The following NFIB variants were observed in gnomAD, a reference collection of about 807,000 sequenced individuals.
NFIB encodes the protein nuclear factor I B.
In NFIB, 11 loss-of-function variants were observed where a neutral mutation model predicts 61.5. That is an observed-to-expected ratio of 0.18 (90% CI 0.11 to 0.30). The LOEUF is 0.30. NFIB is among the 10% of genes least tolerant of loss of function. The probability of loss-of-function intolerance (pLI) is 1.00; values close to 1 mark genes in which losing one functional copy is unlikely to be tolerated. For missense variants in NFIB, 471 were observed against 608.9 expected, an observed-to-expected ratio of 0.77 and a Z score of 2.38; for synonymous variants, 260 against 216.5, an observed-to-expected ratio of 1.20 and a Z score of -1.76.
the NFIB span, among the ~76,000 whole-genome samples, chr9:14,509,709 C>G: frequency 6.6e-6 from 1 of 152,122 alleles, no homozygotes; most frequent in African/African-American, 2.4e-5. Context: ...CATCCCACCC[C>G]TGAAGCACCA....
intron 2 of NFIB, among the ~76,000 whole-genome samples, chr9:14,210,920 C>CT (rs2050241465): frequency 6.6e-6 from 1 of 152,086 alleles, no homozygotes; most frequent in African/African-American, 2.4e-5. Context: ...TGGGAAGTTA[C>CT]TCACCTTTGA....
intron 10 of NFIB, among the ~76,000 whole-genome samples, chr9:14,098,516 A>T (rs568006237): frequency 6.6e-6 from 1 of 152,286 alleles, no homozygotes; most frequent in East Asian, 1.9e-4. Flanking sequence ...CTATCACTTT[A>T]AGAAAGCCAG....
At chr9:14,497,332 A>C in the NFIB span, among the ~76,000 whole-genome samples, 2 of 152,202 alleles carry the variant, frequency 1.3e-5, no homozygotes, top group Non-Finnish European at 2.9e-5. Context: ...GTGTAAATAA[A>C]AGTTATTACA....
chr9:14,525,191 G>A, the NFIB span, among the ~76,000 whole-genome samples: 9 of 152,164 alleles, frequency 5.9e-5, no homozygotes, highest in African/African-American at 2.2e-4. Flanking sequence ...GGAGAGCTGA[G>A]CCCCAGAAAG....
At chr9:14,397,909 T>C (rs1588422783) in intron 1 of NFIB, among the ~76,000 whole-genome samples, 1 of 152,168 alleles carries the variant, frequency 6.6e-6, no homozygotes, top group East Asian at 1.9e-4. Context: ...GGCACCATAC[T>C]GTCATTCTGG....
At chr9:14,202,697 T>C (rs553908855) in intron 2 of NFIB, among the ~76,000 whole-genome samples, 1 of 152,198 alleles carries the variant, frequency 6.6e-6, no homozygotes, top group Non-Finnish European at 1.5e-5. Flanking sequence ...TGTGTAGTAT[T>C]TTATATGGTT....
At chr9:14,434,442 C>T in the NFIB span, among the ~76,000 whole-genome samples, 1 of 152,158 alleles carries the variant, frequency 6.6e-6, no homozygotes, top group East Asian at 1.9e-4. Flanking sequence ...TTTCCATTTG[C>T]TTAGGCAGCA....
chr9:14,417,071 T>A, the NFIB span, among the ~76,000 whole-genome samples: 7 of 151,090 alleles, frequency 4.6e-5, no homozygotes, highest in African/African-American at 1.2e-4. Context: ...TTTTTGTATC[T>A]TTAGTAGAGA....
chr9:14,279,449 C>T lies in NFIB; in HGVS notation c.562+27540G>A, dbSNP rs889011465. On this transcript the variant is annotated intron_variant, in intron 2 of 10. Coordinates refer to ENST00000380953, the MANE Select transcript of NFIB (RefSeq NM_001190737.2). Reference sequence around the variant, plus strand: ...TGAGATTGAGACCTTATTAAATCCTCATCAAAAAGGGAAATTAAGGCTAAC... The same window carrying T: ...TGAGATTGAGACCTTATTAAATCCTTATCAAAAAGGGAAATTAAGGCTAAC... Among the ~76,000 whole-genome samples the T allele has an allele frequency of 3.1e-4, 47 of 152,096 alleles. 1 individual carries two copies. Among genetic ancestry groups the T allele is most frequent in the African/African-American group, 1.1e-3 (46 of 41,422 alleles).
At chr9:14,510,256 G>C in the NFIB span, among the ~76,000 whole-genome samples, 2 of 152,128 alleles carry the variant, frequency 1.3e-5, no homozygotes, top group Non-Finnish European at 2.9e-5. Flanking sequence ...TAAATTATCT[G>C]CAATTAGCAA....
At chr9:14,223,296 T>C (rs1419168966) in intron 2 of NFIB, among the ~76,000 whole-genome samples, 1 of 152,188 alleles carries the variant, frequency 6.6e-6, no homozygotes, top group South Asian at 2.1e-4. Flanking sequence ...GTCACTGAGC[T>C]GATCTACTCT....
At chr9:14,245,404 C>T (rs1417327625) in intron 2 of NFIB, among the ~76,000 whole-genome samples, 1 of 151,766 alleles carries the variant, frequency 6.6e-6, no homozygotes, top group Non-Finnish European at 1.5e-5. Flanking sequence ...ACAAGAACAC[C>T]TAAGATATGC....
the NFIB span, among the ~76,000 whole-genome samples, chr9:14,525,783 A>G: frequency 6.6e-6 from 1 of 152,180 alleles, no homozygotes; most frequent in Non-Finnish European, 1.5e-5. Context: ...GTGAATTTTT[A>G]AAAACTCAAC....
At chr9:14,500,016 C>T in the NFIB span, among the ~76,000 whole-genome samples, 5 of 152,270 alleles carry the variant, frequency 3.3e-5, no homozygotes, top group Non-Finnish European at 4.4e-5. Context: ...CGTCGGAGAG[C>T]GGGCACTCAA....
intron 2 of NFIB, among the ~76,000 whole-genome samples, chr9:14,261,311 C>T (rs1446968991): frequency 1.3e-5 from 2 of 151,452 alleles, no homozygotes; most frequent in Non-Finnish European, 2.9e-5. Context: ...AGCAGGACTC[C>T]GTCTCAAAAA....
At chr9:14,268,994 C>T (rs1346100334) in intron 2 of NFIB, among the ~76,000 whole-genome samples, 1 of 152,102 alleles carries the variant, frequency 6.6e-6, no homozygotes, top group Non-Finnish European at 1.5e-5. Flanking sequence ...ACTAACTGTG[C>T]CTTATTAGCA....
intron 1 of NFIB, among the ~76,000 whole-genome samples, chr9:14,319,857 A>G (rs1214857709): frequency 6.6e-6 from 1 of 152,260 alleles, no homozygotes; most frequent in African/African-American, 2.4e-5. Flanking sequence ...AGAATTGTGC[A>G]TTTTAATTTT....
the NFIB span, among the ~76,000 whole-genome samples, chr9:14,506,422 A>T: frequency 6.6e-6 from 1 of 152,204 alleles, no homozygotes; most frequent in Non-Finnish European, 1.5e-5. Flanking sequence ...GAAGAAGGAT[A>T]GGCTACTGCA....
Position 14,146,680 on chromosome 9 carries a change from A to G in NFIB, c.925+9T>C. The G allele has an allele frequency of 2.5e-6, 4 of 1,612,914 alleles. No individual in the cohort carries two copies. Among genetic ancestry groups the G allele is most frequent in the East Asian group, 2.2e-5 (1 of 44,832 alleles). On this transcript the variant is annotated intron_variant, in intron 6 of 10. Transcript: ENST00000380953. ...TCATGGTCTCTAGAGGCATCTCCTTATTACTCACCTTGATCTCTTTCGTGC... is the reference window on the plus strand; with the variant it reads ...TCATGGTCTCTAGAGGCATCTCCTTGTTACTCACCTTGATCTCTTTCGTGC...
Sources: gnomAD v4.1 joint callset for allele counts (sites outside exome capture counted in the v4.1 genomes callset) on GRCh38, gnomAD v4.1.1 for gene constraint, MANE v1.5 for transcripts, NCBI Gene and HGNC (gene_info 2026-07-23, HGNC 2026-07-21) for gene names.